KSR1: variants seen among roughly 807,000 people sequenced by gnomAD.
KSR1 encodes kinase suppressor of ras 1, also known as kinase suppressor of ras.
KSR1 carries 35 observed loss-of-function variants against 92.9 expected under a neutral mutation model. The ratio of observed to expected loss-of-function variants is 0.38; its 90% confidence interval spans 0.29 to 0.50. The LOEUF is 0.50. Among genes scored for constraint, KSR1 ranks in the 20% least tolerant of loss-of-function variants. The pLI, the probability that KSR1 is intolerant of heterozygous loss-of-function variation, is 0.94. For missense variants in KSR1, 972 were observed against 1,158.5 expected (o/e 0.84, Z 2.34); for synonymous variants, 467 against 472.6 (o/e 0.99, Z 0.15).
Position 27,623,829 on chromosome 17 carries a change from G to C in KSR1, c.*437G>C. On this transcript the variant is annotated 3_prime_UTR_variant, in exon 21 of 21. Transcript: ENST00000644974. Reference sequence around the variant, plus strand: ...AGCTGTTCTTGGGGTAGGGCGGGGAGCCCAGAAGGTCTGATCTGGCCTCTG... The same window carrying C: ...AGCTGTTCTTGGGGTAGGGCGGGGACCCCAGAAGGTCTGATCTGGCCTCTG... 3.8e-6 allele frequency: 2 copies of C among 525,082 alleles called. No individual in the cohort carries two copies. The highest frequency in any genetic ancestry group is 6.1e-5 in the South Asian group (2 of 32,944). 32.5% of individuals were successfully genotyped at this position (525,082 alleles called of 1,614,324 possible).
intron 1 of KSR1, among the ~76,000 whole-genome samples, chr17:27,545,788 C>T (rs560428337): frequency 2.0e-5 from 3 of 152,182 alleles, no homozygotes; most frequent in Admixed American, 6.5e-5. Flanking sequence ...AGCAGGGGAC[C>T]GAGTGCCTCA....
intron 1 of KSR1, among the ~76,000 whole-genome samples, chr17:27,488,372 T>TA (rs1412368156): frequency 1.3e-5 from 2 of 152,180 alleles, no homozygotes; most frequent in Non-Finnish European, 2.9e-5. Context: ...GTTTTTTTTT[T>TA]AATAGCTGAT....
At chr17:27,527,109 C>T (rs926009893) in intron 1 of KSR1, 2 of 374,582 alleles carry the variant, frequency 5.3e-6, no homozygotes, top group African/African-American at 4.2e-5. Flanking sequence ...ATAGTTCACA[C>T]ATCACTTTTC....
At chr17:27,476,562 C>T (rs2068353845) in intron 1 of KSR1, among the ~76,000 whole-genome samples, 1 of 152,148 alleles carries the variant, frequency 6.6e-6, no homozygotes, top group Non-Finnish European at 1.5e-5. Context: ...GGGCTCATCT[C>T]CTGGGTGCCC....
intron 1 of KSR1, among the ~76,000 whole-genome samples, chr17:27,531,780 C>G (rs1331358483): frequency 6.6e-6 from 1 of 152,202 alleles, no homozygotes; most frequent in Non-Finnish European, 1.5e-5. Flanking sequence ...CACCTCCCAC[C>G]CTGGACAGTT....
rs1036510018 is a variant in KSR1, at chr17:27,531,208, G to A, written c.232-19360G>A. ...GTCTCCATGTGTAGCAATATGTTGA[G>A]AAACAGCTTCCTTTTTCAGGAAGAA... is the stretch of plus-strand genomic sequence containing the variant. On this transcript the variant is annotated intron_variant, in intron 1 of 20. Transcript: ENST00000644974. Among the ~76,000 whole-genome samples, 4 of 152,368 alleles carry A rather than the reference G, an allele frequency of 2.6e-5. No individual in the cohort carries two copies. The South Asian group carries it at 8.3e-4, about 32-fold the overall frequency.
intron 9 of KSR1, 60 bp downstream of exon 9, chr17:27,592,686 C>T (rs1001590595): frequency 5.4e-5 from 76 of 1,403,366 alleles, no homozygotes; most frequent in Non-Finnish European, 7.4e-5. Context: ...TCCTATAAAG[C>T]ACCCCTGCCT....
At chr17:27,521,217 A>G (rs2070014826) in intron 1 of KSR1, among the ~76,000 whole-genome samples, 1 of 152,180 alleles carries the variant, frequency 6.6e-6, no homozygotes. Flanking sequence ...TGATTCTGAT[A>G]CACAGGGAGG....
At chr17:27,547,430 A>G (rs2945387) in intron 1 of KSR1, among the ~76,000 whole-genome samples, 49,957 of 152,136 alleles carry the variant, frequency 0.33, 8,606 homozygotes, top group South Asian at 0.38. Context: ...ATTGTAGGCA[A>G]TGAGGCACAG....
At chr17:27,587,495 G>A (rs1364197916) in intron 5 of KSR1, 2 of 152,192 alleles carry the variant, frequency 1.3e-5, no homozygotes, top group East Asian at 1.9e-4. Context: ...GGCCACACTC[G>A]AGCACTGTGT....
At chr17:27,501,289 C>CTTTTTTTTTTT (rs1567768260) in intron 1 of KSR1, among the ~76,000 whole-genome samples, 1 of 43,598 alleles carries the variant, frequency 2.3e-5, no homozygotes, top group African/African-American at 8.4e-5. Context: ...AATTTCTTTT[C>CTTTTTTTTTTT]TTCTTTTTTT....
At chr17:27,560,572 C>G (rs2071788867) in intron 2 of KSR1, 6 of 494,590 alleles carry the variant, frequency 1.2e-5, no homozygotes, top group South Asian at 8.9e-5. Context: ...GACAAAGCTG[C>G]CTTACTCCTG....
Position 27,610,140 on chromosome 17 carries a change from C to T in KSR1, c.2299C>T (p.Pro767Ser), listed in dbSNP as rs760386221. Residue 767 changes from proline (P) to serine (S), a missense_variant, in exon 17 of 21, where the codon CCC (proline) becomes TCC (serine). Around this residue, in one of 5 missense-constraint regions of KSR1, gnomAD observed 260 missense variants for 375.2 expected, o/e 0.69. Transcript: ENST00000644974. ...LAPEIVREMTPGKDEDQLPFS... is the reference protein window; with the variant it reads ...LAPEIVREMTSGKDEDQLPFS... ...CCCTGAGATTGTACGCGAGATGACCCCCGGGAAGGACGAGGATCAGCTGCC... is the reference window on the plus strand; with the variant it reads ...CCCTGAGATTGTACGCGAGATGACCTCCGGGAAGGACGAGGATCAGCTGCC... 1.9e-6 allele frequency: 3 copies of T among 1,614,030 alleles called. No homozygotes were observed. The highest frequency in any genetic ancestry group is 1.7e-5 in the Admixed American group (1 of 60,034).
At chr17:27,566,723 C>T (rs2072090938) in intron 2 of KSR1, 1 of 396,576 alleles carries the variant, frequency 2.5e-6, no homozygotes, top group Admixed American at 4.4e-5. Flanking sequence ...TGTTTCATGA[C>T]TTCATTCGCT....
At chr17:27,485,302 T>A (rs2068633210) in intron 1 of KSR1, among the ~76,000 whole-genome samples, 1 of 152,146 alleles carries the variant, frequency 6.6e-6, no homozygotes, top group South Asian at 2.1e-4. Context: ...GGCAGGGTGA[T>A]GGGTGGATGC....
chr17:27,547,405 A>G (rs928453828), intron 1 of KSR1, among the ~76,000 whole-genome samples: 2 of 152,226 alleles, frequency 1.3e-5, no homozygotes, highest in African/African-American at 4.8e-5. Flanking sequence ...GGAATTTAGC[A>G]TGTCATTCCA....
chr17:27,501,281 T>C (rs1371186431), intron 1 of KSR1, among the ~76,000 whole-genome samples: 1 of 137,376 alleles, frequency 7.3e-6, no homozygotes, highest in Admixed American at 7.6e-5. Flanking sequence ...TTTTTTTTAA[T>C]TTCTTTTCTT....
intron 2 of KSR1, among the ~76,000 whole-genome samples, chr17:27,551,819 T>C (rs529954869): frequency 6.6e-6 from 1 of 152,360 alleles, no homozygotes; most frequent in East Asian, 1.9e-4. Flanking sequence ...TGTCACCTCC[T>C]GCAGAATCTC....
intron 1 of KSR1, among the ~76,000 whole-genome samples, chr17:27,512,553 C>T (rs1173337334): frequency 3.9e-5 from 6 of 152,268 alleles, no homozygotes; most frequent in Admixed American, 6.5e-5. Flanking sequence ...AGTGAAACCC[C>T]GTCTCTACTA....
Sources: gnomAD v4.1 joint callset for allele counts (sites outside exome capture counted in the v4.1 genomes callset) on GRCh38, gnomAD v4.1.1 for gene constraint, gnomAD v4.1.1 regional missense constraint, MANE v1.5 for transcripts, NCBI Gene and HGNC (gene_info 2026-07-23, HGNC 2026-07-21) for gene names.